The following DAB1 variants were observed in gnomAD, a reference collection of about 807,000 sequenced individuals.
The protein encoded by DAB1 is disabled homolog 1.
DAB1 carries 15 observed loss-of-function variants against 64.6 expected under a neutral mutation model. The observed-to-expected ratio is 0.23, with a 90% CI of 0.16 to 0.36. The LOEUF (loss-of-function observed/expected upper bound fraction) is 0.36, where lower values mean the gene tolerates loss of function less well. DAB1 is among the 10% of genes least tolerant of loss of function. The pLI, the probability that DAB1 is intolerant of heterozygous loss-of-function variation, is 1.00. For synonymous variants in DAB1, 235 were observed against 251.9 expected (o/e 0.93, Z 0.64); for missense variants, 596 against 706.7 (o/e 0.84, Z 1.78).
intron 4 of DAB1, among the ~76,000 whole-genome samples, chr1:58,274,978 C>G (rs1016971492): frequency 1.8e-4 from 28 of 152,162 alleles, no homozygotes; most frequent in African/African-American, 6.5e-4. Flanking sequence ...GCATCGCTCA[C>G]GCTGGGAGCT....
At chr1:57,658,078 T>C (rs1646339091) in intron 6 of DAB1, among the ~76,000 whole-genome samples, 1 of 152,108 alleles carries the variant, frequency 6.6e-6, no homozygotes, top group African/African-American at 2.4e-5. Context: ...AAGTAAACAA[T>C]GACAAGGATA....
chr1:58,505,614 T>C (rs950574764), intron 3 of DAB1, among the ~76,000 whole-genome samples: 32 of 152,154 alleles, frequency 2.1e-4, no homozygotes, highest in African/African-American at 7.5e-4. Context: ...AAGATTTTTT[T>C]TCCTAAAAAA....
intron 1 of DAB1, among the ~76,000 whole-genome samples, chr1:57,406,185 C>T (rs1570463393): frequency 1.3e-5 from 2 of 152,344 alleles, no homozygotes; most frequent in South Asian, 4.1e-4. Context: ...GTTTCCATCA[C>T]ACCTCACCCT....
chr1:58,034,015 A>T (rs1180876678), intron 5 of DAB1, among the ~76,000 whole-genome samples: 1 of 152,196 alleles, frequency 6.6e-6, no homozygotes, highest in African/African-American at 2.4e-5. Context: ...TATTTGTGTC[A>T]TGACATAATC....
chr1:57,572,498 T>C (rs1470847342), intron 7 of DAB1, among the ~76,000 whole-genome samples: 1 of 152,186 alleles, frequency 6.6e-6, no homozygotes, highest in African/African-American at 2.4e-5. Flanking sequence ...ATCAGGCAAG[T>C]TACAGCTTCT....
chr1:57,123,548 A>G (rs1042912583), intron 4 of DAB1, among the ~76,000 whole-genome samples: 3 of 152,200 alleles, frequency 2.0e-5, no homozygotes, highest in African/African-American at 7.2e-5. Flanking sequence ...ATTTGATCAA[A>G]AAAAGCCCAA....
At chr1:58,300,835 T>C (rs1486503840) in intron 4 of DAB1, among the ~76,000 whole-genome samples, 1 of 151,984 alleles carries the variant, frequency 6.6e-6, no homozygotes, top group Non-Finnish European at 1.5e-5. Flanking sequence ...GTGGGGGCAG[T>C]GAAAGGGCAG....
intron 5 of DAB1, among the ~76,000 whole-genome samples, chr1:58,087,677 G>T (rs560709451): frequency 6.6e-5 from 10 of 152,260 alleles, no homozygotes; most frequent in African/African-American, 2.2e-4. Flanking sequence ...TAGGAAGTTT[G>T]CTCTCTTAGG....
chr1:57,197,688 C>A (rs1664746269), intron 2 of DAB1, among the ~76,000 whole-genome samples: 1 of 152,216 alleles, frequency 6.6e-6, no homozygotes, highest in Non-Finnish European at 1.5e-5. Flanking sequence ...TTTACATCCC[C>A]TTTGAATATG....
chr1:57,136,317 T>G (rs761136709), intron 4 of DAB1, among the ~76,000 whole-genome samples: 1 of 152,198 alleles, frequency 6.6e-6, no homozygotes, highest in Non-Finnish European at 1.5e-5. Flanking sequence ...ACCAGGATAG[T>G]GTGACACTTT....
At chr1:57,203,838 A>G (rs1665309949) in intron 2 of DAB1, among the ~76,000 whole-genome samples, 1 of 152,164 alleles carries the variant, frequency 6.6e-6, no homozygotes, top group Non-Finnish European at 1.5e-5. Flanking sequence ...ACAAGGAGCT[A>G]AGACCTCTTT....
intron 7 of DAB1, among the ~76,000 whole-genome samples, chr1:57,622,204 G>C (rs1645868168): frequency 6.6e-6 from 1 of 152,198 alleles, no homozygotes; most frequent in South Asian, 2.1e-4. Flanking sequence ...TTAGAAGACA[G>C]CTGGCATGGA....
In DAB1 at chr1:57,948,034, G is replaced by GC. The variant is rs146114833; in HGVS notation, n.388-63873dup. Among the ~76,000 whole-genome samples, 341 of 152,238 alleles carry GC rather than the reference G, an allele frequency of 2.2e-3. 2 individuals are homozygous for GC. The highest frequency in any genetic ancestry group is 7.9e-3 in the African/African-American group (328 of 41,538). ...TACCTCCATGCCTGTGCTTATGCTAGCCCCTTGACCTGGGGTCCCTCTCTG... is the reference window on the plus strand; with the variant it reads ...TACCTCCATGCCTGTGCTTATGCTAGCCCCCTTGACCTGGGGTCCCTCTCTG... On this transcript the variant is annotated intron_variant and non_coding_transcript_variant, in intron 5 of 20. Coordinates refer to the DAB1 transcript ENST00000485760.
chr1:57,793,520 G>T (rs780936863), intron 6 of DAB1, among the ~76,000 whole-genome samples: 30 of 152,122 alleles, frequency 2.0e-4, no homozygotes, highest in Non-Finnish European at 3.4e-4. Context: ...CTCTGCTGCT[G>T]GTACTGAGGA....
At chr1:58,267,784 T>C (rs1397021793) in intron 4 of DAB1, among the ~76,000 whole-genome samples, 2 of 152,192 alleles carry the variant, frequency 1.3e-5, no homozygotes, top group African/African-American at 4.8e-5. Context: ...CCTAAAACCC[T>C]CTTCGAAAAG....
intron 7 of DAB1, among the ~76,000 whole-genome samples, chr1:57,587,341 C>T (rs1313969590): frequency 2.0e-5 from 3 of 152,132 alleles, no homozygotes; most frequent in African/African-American, 7.2e-5. Flanking sequence ...AGGCAAATAA[C>T]ACCTAGAGGG....
At chr1:57,724,479 C>T (rs1647185587) in intron 6 of DAB1, among the ~76,000 whole-genome samples, 1 of 152,142 alleles carries the variant, frequency 6.6e-6, no homozygotes, top group Non-Finnish European at 1.5e-5. Flanking sequence ...ATTCCTTTGC[C>T]TTGCTCCTCC....
At chr1:57,323,355 G>C (rs1210095917) in intron 1 of DAB1, among the ~76,000 whole-genome samples, 1 of 152,154 alleles carries the variant, frequency 6.6e-6, no homozygotes, top group Non-Finnish European at 1.5e-5. Flanking sequence ...ACTTTATTGA[G>C]TTATAGAGGG....
intron 6 of DAB1, among the ~76,000 whole-genome samples, chr1:57,771,950 T>C (rs1387683709): frequency 6.6e-6 from 1 of 152,174 alleles, no homozygotes; most frequent in African/African-American, 2.4e-5. Context: ...CTTTTTATTA[T>C]TGCTATTCCT....
Sources: allele counts gnomAD v4.1 joint callset (sites outside exome capture counted in the v4.1 genomes callset), GRCh38; gene constraint gnomAD v4.1.1; transcripts MANE v1.5; gene names NCBI Gene and HGNC (gene_info 2026-07-23, HGNC 2026-07-21).